FHOD3: variants seen among roughly 807,000 people sequenced by gnomAD.
The protein encoded by FHOD3 is formin homology 2 domain containing 3, also known as FH1/FH2 domain-containing protein 3.
FHOD3 carries 90 observed loss-of-function variants against 173.0 expected under a neutral mutation model. The ratio of observed to expected loss-of-function variants is 0.52; its 90% CI spans 0.44 to 0.62. FHOD3 has a LOEUF of 0.62. FHOD3 is among the 20% of genes least tolerant of loss of function. FHOD3 has a pLI of 0.00. For missense variants in FHOD3, 1,945 were observed against 2,034.7 expected, an observed-to-expected ratio of 0.96 and a Z score of 0.85; for synonymous variants, 828 against 823.0, an observed-to-expected ratio of 1.01 and a Z score of -0.10.
At chr18:36,308,526 A>G (rs994178199) in intron 1 of FHOD3, among the ~76,000 whole-genome samples, 1 of 152,192 alleles carries the variant, frequency 6.6e-6, no homozygotes, top group Admixed American at 6.5e-5. Context: ...AATTACATGT[A>G]TGTATCCCAT....
chr18:36,646,808 A>T (rs1473064985), intron 10 of FHOD3, among the ~76,000 whole-genome samples: 1 of 152,246 alleles, frequency 6.6e-6, no homozygotes, highest in African/African-American at 2.4e-5. Flanking sequence ...ACACAAAGGC[A>T]TTAGCCATCA....
At chr18:36,597,304 A>G (rs2030608558) in intron 7 of FHOD3, among the ~76,000 whole-genome samples, 1 of 152,254 alleles carries the variant, frequency 6.6e-6, no homozygotes, top group African/African-American at 2.4e-5. Flanking sequence ...CTCGTCTGTC[A>G]GACCAAGTCT....
chr18:36,493,599 G>A (rs1464485975), intron 3 of FHOD3, among the ~76,000 whole-genome samples: 1 of 152,142 alleles, frequency 6.6e-6, no homozygotes, highest in African/African-American at 2.4e-5. Context: ...GTTTCAGAGA[G>A]TTGTTTTTCA....
intron 2 of FHOD3, among the ~76,000 whole-genome samples, chr18:36,370,359 C>G (rs1173101894): frequency 6.6e-6 from 1 of 151,754 alleles, no homozygotes; most frequent in Non-Finnish European, 1.5e-5. Context: ...CTCTTAATTT[C>G]CATTAGGGTT....
intron 3 of FHOD3, among the ~76,000 whole-genome samples, chr18:36,385,984 T>C (rs984403085): frequency 2.0e-5 from 3 of 152,210 alleles, no homozygotes; most frequent in Admixed American, 1.3e-4. Flanking sequence ...TAGTTATATC[T>C]ATAATAACTT....
intron 3 of FHOD3, among the ~76,000 whole-genome samples, chr18:36,497,271 G>T (rs942715295): frequency 2.6e-5 from 4 of 152,208 alleles, no homozygotes; most frequent in African/African-American, 9.6e-5. Flanking sequence ...AAAAAGAGGA[G>T]AGGTTTTTGG....
intron 1 of FHOD3, among the ~76,000 whole-genome samples, chr18:36,341,838 T>C (rs2045640421): frequency 1.3e-5 from 2 of 152,144 alleles, no homozygotes; most frequent in Admixed American, 1.3e-4. Flanking sequence ...CCTCTAAATG[T>C]TTTAATGAAC....
intron 3 of FHOD3, among the ~76,000 whole-genome samples, chr18:36,449,470 GT>G (rs1792494260): frequency 1.3e-5 from 2 of 152,128 alleles, no homozygotes; most frequent in African/African-American, 4.8e-5. Context: ...CCTGCCTAAT[GT>G]CTGAGAGACA....
intron 3 of FHOD3, among the ~76,000 whole-genome samples, chr18:36,447,834 A>G (rs181041678): frequency 6.6e-6 from 1 of 152,226 alleles, no homozygotes; most frequent in African/African-American, 2.4e-5. Context: ...TAAGGTAAAT[A>G]AAAGCAGGTT....
Position 36,509,943 on chromosome 18 carries a change from C to T in FHOD3, c.406-2495C>T, listed in dbSNP as rs576956379. On this transcript the variant is annotated intron_variant, in intron 4 of 28. Transcript: ENST00000590592. ...CTGTTTGGAAGACCACACACATGTG[C>T]GCAAAAACAGCACTCCACCACAGGG... Among the ~76,000 whole-genome samples the T allele has an allele frequency of 4.6e-5, 7 of 152,250 alleles. No individual in the cohort carries two copies. The South Asian group carries it at 1.0e-3, about 23-fold the overall frequency.
intron 1 of FHOD3, among the ~76,000 whole-genome samples, chr18:36,335,873 C>T (rs953755343): frequency 2.0e-5 from 3 of 152,218 alleles, no homozygotes; most frequent in Admixed American, 6.5e-5. Context: ...TGAATGGTTC[C>T]TGCCTGTTCA....
chr18:36,552,104 C>T (rs1443502387), intron 5 of FHOD3, among the ~76,000 whole-genome samples: 2 of 152,154 alleles, frequency 1.3e-5, no homozygotes, highest in African/African-American at 4.8e-5. Flanking sequence ...GCCATTTTCA[C>T]AATATTGATT....
At chr18:36,772,357 C>A (rs971552967) in intron 28 of FHOD3, among the ~76,000 whole-genome samples, 1 of 152,210 alleles carries the variant, frequency 6.6e-6, no homozygotes, top group African/African-American at 2.4e-5. Flanking sequence ...AAGCAATTTG[C>A]AAAATCAATG....
chr18:36,580,189 C>T (rs1225726540), intron 6 of FHOD3, among the ~76,000 whole-genome samples: 1 of 152,238 alleles, frequency 6.6e-6, no homozygotes, highest in Non-Finnish European at 1.5e-5. Flanking sequence ...ACACGGTGCA[C>T]TCGGTGTGTG....
intron 5 of FHOD3, among the ~76,000 whole-genome samples, chr18:36,564,944 C>A (rs933750704): frequency 6.6e-6 from 1 of 152,280 alleles, no homozygotes; most frequent in South Asian, 2.1e-4. Context: ...AAAACTTTGA[C>A]ACCTTGTTGG....
intron 2 of FHOD3, among the ~76,000 whole-genome samples, chr18:36,357,624 T>A (rs1226678377): frequency 2.0e-5 from 3 of 152,234 alleles, no homozygotes; most frequent in East Asian, 1.9e-4. Flanking sequence ...TTGCTATTTT[T>A]AAAATTAACA....
intron 14 of FHOD3, among the ~76,000 whole-genome samples, chr18:36,677,223 A>G (rs1331466063): frequency 6.6e-6 from 1 of 151,506 alleles, no homozygotes; most frequent in Non-Finnish European, 1.5e-5. Context: ...CAGTGGTGCA[A>G]TCTATGCTCA....
intron 5 of FHOD3, among the ~76,000 whole-genome samples, chr18:36,531,965 C>G (rs2056800523): frequency 6.6e-6 from 1 of 152,234 alleles, no homozygotes; most frequent in African/African-American, 2.4e-5. Flanking sequence ...CTTGTACTTT[C>G]TTTTGAAATA....
intron 4 of FHOD3, among the ~76,000 whole-genome samples, chr18:36,508,404 T>C (rs2055427172): frequency 6.6e-6 from 1 of 150,902 alleles, no homozygotes; most frequent in Admixed American, 6.6e-5. Context: ...AAGTCTGGAG[T>C]AGGAAACGTA....
Sources: gnomAD v4.1 joint callset for allele counts (sites outside exome capture counted in the v4.1 genomes callset) on GRCh38, gnomAD v4.1.1 for gene constraint, MANE v1.5 for transcripts, NCBI Gene and HGNC (gene_info 2026-07-23, HGNC 2026-07-21) for gene names.